CAD: variants seen among roughly 807,000 people sequenced by gnomAD.
The protein encoded by CAD is carbamoyl-phosphate synthetase 2, aspartate transcarbamylase, and dihydroorotase.
In CAD, 81 loss-of-function variants were observed where a neutral mutation model predicts 237.2. That is an observed-to-expected ratio of 0.34 (90% CI 0.29 to 0.41). The LOEUF (loss-of-function observed/expected upper bound fraction) is 0.41, where lower values mean the gene tolerates loss of function less well. Among genes scored for constraint, CAD ranks in the 10% least tolerant of loss-of-function variants. CAD has a pLI of 1.00. For synonymous variants in CAD, 1,196 were observed against 1,162.8 expected (o/e 1.03, Z -0.58); for missense variants, 2,181 against 2,951.7 (o/e 0.74, Z 6.05).
In CAD at chr2:27,224,874, C is replaced by T. The variant is rs765340947; in HGVS notation, c.1384C>T (p.Gln462Ter). 6.2e-7 allele frequency: 1 copy of T among 1,614,186 alleles called. No homozygotes were observed. The highest frequency in any genetic ancestry group is 8.5e-7 in the Non-Finnish European group (1 of 1,180,034). ...FLPITPHYVTQVIRNERPDGV... is the reference protein window; with the variant it reads ...FLPITPHYVT Reference sequence around the variant, plus strand: ...TCCCATAACACCTCATTATGTAACCCAGGTATGACTGGGGCAAGGCTGGAA... The same window carrying T: ...TCCCATAACACCTCATTATGTAACCTAGGTATGACTGGGGCAAGGCTGGAA... Residue 462 changes from glutamine to a stop codon, truncating the protein, a stop_gained and splice_region_variant, in exon 10 of 44, where the codon CAG becomes TAG. Coordinates refer to ENST00000264705, the MANE Select transcript of CAD (RefSeq NM_004341.5). LOFTEE classifies it high-confidence loss of function.
chr2:27,241,497 C>A lies in CAD; in HGVS notation c.5883+101C>A. On this transcript the variant is annotated intron_variant, in intron 38 of 43. Coordinates refer to ENST00000264705, the MANE Select transcript of CAD (RefSeq NM_004341.5). This position sits in a 1 kb window ranked among gnomAD's most constrained non-coding sequence, Gnocchi z 4.6. ...GTCAGAGTGGGTCTTCCTCCCCCTG[C>A]CATCCCGTCCCCTTATGCTAGTCCA... is the stretch of plus-strand genomic sequence containing the variant. 9.4e-7 allele frequency: 1 copy of A among 1,068,968 alleles called. No homozygotes were observed. Among genetic ancestry groups the A allele is most frequent in the Admixed American group, 1.8e-5 (1 of 56,924 alleles). 66.2% of individuals were successfully genotyped at this position (1,068,968 alleles called of 1,614,324 possible). A position where few individuals can be genotyped will look rare whatever the true frequency, so the allele number is the denominator to read the frequency against.
rs763718309 is a variant in CAD at position 27,232,738 on chromosome 2, C to T, written c.2892+44C>T. 6.2e-7 allele frequency: 1 copy of T among 1,610,280 alleles called. No individual in the cohort carries two copies. The highest frequency in any genetic ancestry group is 2.2e-5 in the East Asian group (1 of 44,834). ...TTTCCACTTTCCTTGCTATTCTGTT[C>T]ATCTCTAGCAATTGCTTGGCACTAA... is the stretch of plus-strand genomic sequence containing the variant. On this transcript the variant is annotated intron_variant, in intron 18 of 43. Coordinates refer to ENST00000264705, the MANE Select transcript of CAD (RefSeq NM_004341.5). The surrounding 1 kb of genome is among the most constrained non-coding windows in gnomAD (Gnocchi z 4.1).
At position 27,243,811 on chromosome 2, in the gene CAD, T is replaced by C; in HGVS notation, c.*293T>C. On this transcript the variant is annotated 3_prime_UTR_variant, in exon 44 of 44. Coordinates refer to ENST00000264705, the MANE Select transcript of CAD (RefSeq NM_004341.5). ...ATGCTGAGTGTAGTAGAACAGAGCT[T>C]TCTTTTAGAAAATTGAGCAGATTCC... 2.8e-6 allele frequency: 1 copy of C among 357,826 alleles called. No individual in the cohort carries two copies. Among genetic ancestry groups the C allele is most frequent in the South Asian group, 6.1e-5 (1 of 16,314 alleles). The allele number at this position is 357,826 out of a possible 1,614,324, so 22.2% of individuals were successfully genotyped here.
chr2:27,218,465 T>C (rs1674984547), intron 2 of CAD, among the ~76,000 whole-genome samples: 1 of 152,196 alleles, frequency 6.6e-6, no homozygotes, highest in Non-Finnish European at 1.5e-5. Flanking sequence ...TTGAAGGTTT[T>C]TTTTTAGCAG....
chr2:27,221,276 C>T lies in CAD; in HGVS notation c.281C>T (p.Thr94Ile), dbSNP rs779802623. Residue 94 changes from threonine to isoleucine, a missense_variant, in exon 3 of 44, where the codon ACT becomes ATT. Physicochemically the swap from Thr to Ile is moderately conservative, Grantham distance 89. This residue lies in a region of CAD where 314 missense variants were observed against 339.4 expected (regional missense o/e 0.93). Transcript: ENST00000264705. Reference sequence around the variant, plus strand: ...CTGGTAGTGGGAGAGTGCTGTCCTACTCCCAGCCACTGGAGTGCCACCCGC... The same window carrying T: ...CTGGTAGTGGGAGAGTGCTGTCCTATTCCCAGCCACTGGAGTGCCACCCGC... ...AALVVGECCP[T>I]PSHWSATRTL... 2.5e-6 allele frequency: 4 copies of T among 1,593,154 alleles called. No homozygotes were observed. Among genetic ancestry groups the T allele is most frequent in the Non-Finnish European group, 2.6e-6 (3 of 1,170,036 alleles).
chr2:27,232,340 C>T lies in CAD; in HGVS notation c.2646-108C>T. On this transcript the variant is annotated intron_variant, in intron 17 of 43. Transcript: ENST00000264705. The surrounding 1 kb of genome is among the most constrained non-coding windows in gnomAD (Gnocchi z 4.1). ...GTGGGAGAGCTTTAGAGGCTTCTGA[C>T]CTTGGTTCCAAGGATATTTCCTCTC... 1 of 1,574,630 alleles carries T rather than the reference C, an allele frequency of 6.4e-7. No homozygotes were observed. The highest frequency in any genetic ancestry group is 1.2e-5 in the South Asian group (1 of 84,400).
Position 27,232,453 on chromosome 2 carries a change from A to G in CAD, c.2651A>G (p.Glu884Gly). 1 of 1,614,192 alleles carries G rather than the reference A, an allele frequency of 6.2e-7. No homozygotes were observed. Among genetic ancestry groups the G allele is most frequent in the Non-Finnish European group, 8.5e-7 (1 of 1,180,040 alleles). The change falls in exon 18 of 44, where the codon GAG (glutamate) becomes GGG (glycine). Residue 884 changes from glutamate to glycine, a missense_variant. Transcript: ENST00000264705. The surrounding 1 kb of genome is among the most constrained non-coding windows in gnomAD (Gnocchi z 4.1). Reference protein sequence around the residue: ...KQIALAVLSTELAVRKLRQEL... With the variant: ...KQIALAVLSTGLAVRKLRQEL... ...AGACCCTTTTTCTATTTTAGCACAG[A>G]GCTGGCTGTTCGCAAGCTGCGTCAG...
chr2:27,242,571 G>T lies in CAD; in HGVS notation c.6223-49G>T. ...CTTTTAAAAGCTTGGAAATGATGTC[G>T]GGGGGCACTCAGTCTGGGATCCCTG... On this transcript the variant is annotated intron_variant, in intron 40 of 43. Transcript: ENST00000264705. This position sits in a 1 kb window ranked among gnomAD's most constrained non-coding sequence, Gnocchi z 6.4. 6.4e-7 allele frequency: 1 copy of T among 1,561,830 alleles called. No homozygotes were observed. Among genetic ancestry groups the T allele is most frequent in the South Asian group, 1.2e-5 (1 of 83,000 alleles).
In CAD at chr2:27,235,349, G is replaced by A. The variant is rs1050480989; in HGVS notation, c.3891G>A (p.Glu1297=). Residue 1297 remains glutamate (E), a synonymous_variant, in exon 24 of 44, where the codon GAG becomes GAA. Coordinates refer to ENST00000264705, the MANE Select transcript of CAD (RefSeq NM_004341.5). This position sits in a 1 kb window ranked among gnomAD's most constrained non-coding sequence, Gnocchi z 5.2. The part of the protein sequence containing the change: ...EVAGFGESRC[E]AYLKAMLSTG... ...CCGGCTTTGGGGAGAGCCGCTGTGA[G>A]GCATACCTCAAGGCCATGCTAAGCA... 2 of 1,614,078 alleles carry A rather than the reference G, an allele frequency of 1.2e-6. No individual in the cohort carries two copies. Among genetic ancestry groups the A allele is most frequent in the Non-Finnish European group, 1.7e-6 (2 of 1,180,014 alleles).
intron 6 of CAD, 113 bp from the exon 7 acceptor site, chr2:27,223,450 A>G: frequency 9.9e-7 from 1 of 1,014,194 alleles, no homozygotes; most frequent in Non-Finnish European, 1.5e-6. Flanking sequence ...AAAAAAACAA[A>G]AAGGAAACAG....
intron 2 of CAD, among the ~76,000 whole-genome samples, chr2:27,218,943 G>A (rs998361915): frequency 3.3e-5 from 5 of 152,272 alleles, no homozygotes; most frequent in African/African-American, 1.2e-4. Flanking sequence ...TGTTCTTCCT[G>A]GAAAAGAATT....
Position 27,237,355 on chromosome 2 carries a change from C to G in CAD, c.4397-24C>G, listed in dbSNP as rs751801247. The G allele has an allele frequency of 6.2e-7, 1 of 1,612,130 alleles. No individual in the cohort carries two copies. The highest frequency in any genetic ancestry group is 8.5e-7 in the Non-Finnish European group (1 of 1,178,466). ...TCCTATTTCTGAATCTTCCTGTAATCTTGCTGCTTCCATTTTCTCCCAGGA... is the reference window on the plus strand; with the variant it reads ...TCCTATTTCTGAATCTTCCTGTAATGTTGCTGCTTCCATTTTCTCCCAGGA... On this transcript the variant is annotated intron_variant, in intron 27 of 43. Coordinates refer to ENST00000264705, the MANE Select transcript of CAD (RefSeq NM_004341.5). This position sits in a 1 kb window ranked among gnomAD's most constrained non-coding sequence, Gnocchi z 4.0.
Position 27,237,528 on chromosome 2 carries a change from C to T in CAD, c.4546C>T (p.Leu1516=), listed in dbSNP as rs772390200. The T allele has an allele frequency of 6.2e-7, 1 of 1,613,452 alleles. No individual in the cohort carries two copies. The highest frequency in any genetic ancestry group is 1.7e-5 in the Admixed American group (1 of 60,028). The change falls in exon 28 of 44, where the codon CTG becomes TTG. Residue 1516 remains leucine, a synonymous_variant. Coordinates refer to ENST00000264705, the MANE Select transcript of CAD (RefSeq NM_004341.5). This position sits in a 1 kb window ranked among gnomAD's most constrained non-coding sequence, Gnocchi z 4.0. ...TRPPIIDAPA[L]ALAQKLAEAG... The stretch of plus-strand genomic sequence containing the variant: ...GCCCCCCATCATTGACGCCCCTGCT[C>T]TGGCCCTGGCCCAGAAGGTGAGCCA...
Position 27,225,921 on chromosome 2 carries a change from G to A in CAD, c.1837G>A (p.Val613Ile). Residue 613 changes from valine to isoleucine, a missense_variant, in exon 12 of 44, where the codon GTC becomes ATC. Val to Ile is a conservative substitution (Grantham distance 29). Around this residue, in one of 12 missense-constraint regions of CAD, gnomAD observed 385 missense variants for 535.1 expected, o/e 0.72. Coordinates refer to ENST00000264705, the MANE Select transcript of CAD (RefSeq NM_004341.5). ...EVVRDAYGNC[V>I]TVCNMENLDP... ...GGTGAGAGACGCCTATGGCAACTGT[G>A]TCACGGTGAGTGAATGGGGGAAGGG... is the stretch of plus-strand genomic sequence containing the variant. The A allele has an allele frequency of 6.2e-7, 1 of 1,613,652 alleles. No individual in the cohort carries two copies. The highest frequency in any genetic ancestry group is 8.5e-7 in the Non-Finnish European group (1 of 1,179,480).
Position 27,236,209 on chromosome 2 carries a change from G to T in CAD, c.4075-75G>T. ...CTCCTCATCATGGGCTCCTGGGCCA[G>T]CTCCTCTCCCTTAAGGCTAGCCTTC... On this transcript the variant is annotated intron_variant, in intron 25 of 43. Coordinates refer to ENST00000264705, the MANE Select transcript of CAD (RefSeq NM_004341.5). This position sits in a 1 kb window ranked among gnomAD's most constrained non-coding sequence, Gnocchi z 4.1. 1 of 1,567,090 alleles carries T rather than the reference G, an allele frequency of 6.4e-7. No individual in the cohort carries two copies. The highest frequency in any genetic ancestry group is 8.7e-7 in the Non-Finnish European group (1 of 1,155,634).
rs758484621 is a variant in CAD, at chr2:27,217,581, G to C, written c.30G>C (p.Ser10=). The change falls in exon 1 of 44, where the codon TCG becomes TCC. Residue 10 remains serine (S), a synonymous_variant. Coordinates refer to ENST00000264705, the MANE Select transcript of CAD (RefSeq NM_004341.5). ...CGGCCCTAGTGTTGGAGGACGGGTC[G>C]GTCCTGCGGGGCCAGCCCTTTGGGG... MAALVLEDG[S]VLRGQPFGAA... 48 of 1,608,218 alleles carry C rather than the reference G, an allele frequency of 3.0e-5. No individual in the cohort carries two copies. Among genetic ancestry groups the C allele is most frequent in the South Asian group, 2.2e-5 (2 of 89,920 alleles).
At position 27,239,781 on chromosome 2, in the gene CAD, A is replaced by G. The variant is rs1304835886; in HGVS notation, c.5479A>G (p.Thr1827Ala). The G allele has an allele frequency of 2.6e-6, 4 of 1,566,706 alleles. No individual in the cohort carries two copies. Among genetic ancestry groups the G allele is most frequent in the Non-Finnish European group, 3.5e-6 (4 of 1,156,034 alleles). ...TCAGCTCCCACCCTCAGCCCCTGCC[A>G]CTAGTGAGATGACCACGGTATCCAC... ...VPQLPPSAPATSEMTTTPERP... is the reference protein window; with the variant it reads ...VPQLPPSAPAASEMTTTPERP... Residue 1827 changes from threonine (T) to alanine (A), a missense_variant, in exon 34 of 44, where the codon ACT (threonine) becomes GCT (alanine). Transcript: ENST00000264705. The surrounding 1 kb of genome is among the most constrained non-coding windows in gnomAD (Gnocchi z 4.0).
intron 8 of CAD, 120 bp downstream of exon 8, chr2:27,224,149 T>C (rs1238064131): frequency 2.2e-6 from 2 of 924,706 alleles, no homozygotes; most frequent in Admixed American, 2.2e-5. Context: ...GTATTGGGGA[T>C]GGGTGGCAAC....
chr2:27,223,063 G>GC (rs751293494), intron 6 of CAD, 26 bp downstream of exon 6: 46 of 1,612,034 alleles, frequency 2.9e-5, no homozygotes, highest in Non-Finnish European at 3.8e-5. Flanking sequence ...AGCAGAAGGG[G>GC]CCCATACTTG....
Sources: gnomAD v4.1 joint callset for allele counts (sites outside exome capture counted in the v4.1 genomes callset) on GRCh38, gnomAD v4.1.1 for gene constraint, gnomAD v4.1.1 regional missense constraint, Gnocchi (gnomAD v3.1) non-coding constraint, MANE v1.5 for transcripts, NCBI Gene and HGNC (gene_info 2026-07-23, HGNC 2026-07-21) for gene names.